Variants in PTPRN2 observed in about 807,000 individuals in gnomAD.
The protein encoded by PTPRN2 is receptor-type tyrosine-protein phosphatase N2.
Under a neutral mutation model 118.8 loss-of-function variants are expected in PTPRN2, and 74 were observed. That is an observed-to-expected ratio of 0.62 (90% CI 0.52 to 0.76). PTPRN2 has a LOEUF of 0.76. PTPRN2 is among the 30% of genes least tolerant of loss of function. The pLI, the probability that PTPRN2 is intolerant of heterozygous loss-of-function variation, is 0.00. For synonymous variants in PTPRN2, 641 were observed against 608.0 expected, an observed-to-expected ratio of 1.05 and a Z score of -0.80; for missense variants, 1,481 against 1,394.4, an observed-to-expected ratio of 1.06 and a Z score of -0.99.
At chr7:157,657,964 GACAC>G (rs72035599) in intron 13 of PTPRN2, among the ~76,000 whole-genome samples, 5 of 137,044 alleles carry the variant, frequency 3.6e-5, no homozygotes, top group Admixed American at 7.1e-5. Flanking sequence ...ATATGTAACA[GACAC>G]ACACACACCA....
intron 2 of PTPRN2, among the ~76,000 whole-genome samples, chr7:158,470,897 G>A (rs570041671): frequency 3.3e-4 from 50 of 151,664 alleles, no homozygotes; most frequent in African/African-American, 1.2e-3. Context: ...GCGGTGGTGA[G>A]ATCTCAGCTC....
At chr7:157,818,300 G>C (rs1806565987) in intron 12 of PTPRN2, among the ~76,000 whole-genome samples, 1 of 152,138 alleles carries the variant, frequency 6.6e-6, no homozygotes, top group South Asian at 2.1e-4. Context: ...GTCATAGGGA[G>C]GGAAGGTGGA....
At chr7:157,898,537 A>G (rs1206418051) in intron 12 of PTPRN2, 136 bp downstream of exon 12, 2 of 865,862 alleles carry the variant, frequency 2.3e-6, no homozygotes, top group East Asian at 4.9e-5. Context: ...CTCCTGCTGC[A>G]GCCCACTGGT....
At chr7:157,976,489 CAG>C (rs1264550615) in intron 11 of PTPRN2, among the ~76,000 whole-genome samples, 2 of 148,648 alleles carry the variant, frequency 1.3e-5, no homozygotes, top group Non-Finnish European at 3.0e-5. Context: ...CTTCATTCTA[CAG>C]AGTTCCCAGG....
intron 12 of PTPRN2, among the ~76,000 whole-genome samples, chr7:157,692,274 G>A (rs1797541901): frequency 6.6e-6 from 1 of 152,044 alleles, no homozygotes; most frequent in Non-Finnish European, 1.5e-5. Context: ...CCCCTCCGGG[G>A]CCAACTCCTC....
Position 157,986,178 on chromosome 7 carries a change from C to T in PTPRN2, c.1724-87441G>A, listed in dbSNP as rs557117602. Among the ~76,000 whole-genome samples, 7 of 152,220 alleles carry T rather than the reference C, an allele frequency of 4.6e-5. No homozygotes were observed. Among genetic ancestry groups the T allele is most frequent in the South Asian group, 2.1e-4 (1 of 4,820 alleles). ...ATCTACAGCCCCGCTCTCGTATGTC[C>T]GGGGGAAGCTATGGAGAGGGTGCTG... On this transcript the variant is annotated intron_variant, in intron 11 of 22. Transcript: ENST00000389418. The surrounding 1 kb of genome is among the most constrained non-coding windows in gnomAD (Gnocchi z 4.5).
chr7:158,203,246 A>G (rs1195030145), intron 4 of PTPRN2, among the ~76,000 whole-genome samples: 1 of 151,088 alleles, frequency 6.6e-6, no homozygotes, highest in Non-Finnish European at 1.5e-5. Flanking sequence ...AAAAAAAAAA[A>G]AAAAAGAAGA....
intron 3 of PTPRN2, among the ~76,000 whole-genome samples, chr7:158,235,119 A>AGGAGC (rs1829446828): frequency 6.7e-6 from 1 of 148,438 alleles, no homozygotes; most frequent in Non-Finnish European, 1.5e-5. Flanking sequence ...GGATGTGGAG[A>AGGAGC]GGAGCCCTCG....
chr7:157,876,743 C>T (rs772271760), intron 12 of PTPRN2, among the ~76,000 whole-genome samples: 3 of 152,148 alleles, frequency 2.0e-5, no homozygotes, highest in Non-Finnish European at 4.4e-5. Flanking sequence ...CTTCACATGG[C>T]CCCTGCACCC....
intron 11 of PTPRN2, among the ~76,000 whole-genome samples, chr7:157,997,687 G>A (rs914617907): frequency 8.6e-5 from 13 of 151,268 alleles, no homozygotes; most frequent in South Asian, 2.1e-4. Flanking sequence ...GGGAGGGGCA[G>A]AGCCTGGGGG....
intron 2 of PTPRN2, among the ~76,000 whole-genome samples, chr7:158,483,940 C>G (rs1820814753): frequency 6.6e-6 from 1 of 152,042 alleles, no homozygotes; most frequent in Non-Finnish European, 1.5e-5. Context: ...GAGTTCAAGA[C>G]TAGCCTGGGA....
At chr7:158,585,389 TG>T (rs1437842856) in intron 1 of PTPRN2, among the ~76,000 whole-genome samples, 1 of 152,232 alleles carries the variant, frequency 6.6e-6, no homozygotes, top group East Asian at 1.9e-4. Flanking sequence ...AGAATGTAGG[TG>T]ATGCCTTTCA....
chr7:157,819,416 C>G (rs1228362745), intron 12 of PTPRN2, among the ~76,000 whole-genome samples: 1 of 152,206 alleles, frequency 6.6e-6, no homozygotes, highest in South Asian at 2.1e-4. Flanking sequence ...CAGCTCAGAA[C>G]GCAACACCAG....
intron 1 of PTPRN2, among the ~76,000 whole-genome samples, chr7:158,577,702 G>A (rs1198760643): frequency 6.6e-6 from 1 of 152,232 alleles, no homozygotes; most frequent in Non-Finnish European, 1.5e-5. Context: ...ACAGATAAAG[G>A]ATAGGATGTG....
chr7:157,554,960 C>A (rs1276475376), intron 21 of PTPRN2, among the ~76,000 whole-genome samples: 1 of 152,220 alleles, frequency 6.6e-6, no homozygotes, highest in Non-Finnish European at 1.5e-5. Context: ...GCTCAGCACC[C>A]CAGTGTGGCG....
In PTPRN2 at chr7:157,670,538, G is replaced by A. The variant is rs187144420; in HGVS notation, c.2001+12187C>T. Among the ~76,000 whole-genome samples the A allele has an allele frequency of 2.0e-5, 3 of 152,320 alleles. No individual in the cohort carries two copies. In the East Asian group the frequency reaches 5.8e-4, roughly 29 times the overall value. ...CTTCCATAAAGGTGGCATCTTAGAT[G>A]TGAGAGGGAGCACCTTTAACCCACG... On this transcript the variant is annotated intron_variant, in intron 13 of 22. Transcript: ENST00000389418.
chr7:157,830,776 A>T (rs1285749624), intron 12 of PTPRN2, among the ~76,000 whole-genome samples: 2 of 152,254 alleles, frequency 1.3e-5, no homozygotes, highest in Non-Finnish European at 2.9e-5. Flanking sequence ...AAAATCCGAG[A>T]TGTCACAACA....
At chr7:157,720,871 C>G (rs1369537157) in intron 12 of PTPRN2, among the ~76,000 whole-genome samples, 1 of 152,220 alleles carries the variant, frequency 6.6e-6, no homozygotes, top group Non-Finnish European at 1.5e-5. Flanking sequence ...CTGGCTCTAG[C>G]TCTCCTAAAA....
intron 12 of PTPRN2, among the ~76,000 whole-genome samples, chr7:157,870,456 C>T (rs1810981058): frequency 6.6e-6 from 1 of 152,130 alleles, no homozygotes; most frequent in African/African-American, 2.4e-5. Context: ...ATCATTGTTC[C>T]ACCCATGTTT....
Sources: gnomAD v4.1 joint callset for allele counts (sites outside exome capture counted in the v4.1 genomes callset) on GRCh38, gnomAD v4.1.1 for gene constraint, Gnocchi (gnomAD v3.1) non-coding constraint, MANE v1.5 for transcripts, NCBI Gene and HGNC (gene_info 2026-07-23, HGNC 2026-07-21) for gene names.